TRPM3: variants seen among roughly 807,000 people sequenced by gnomAD.
TRPM3 encodes long transient receptor potential channel 3.
In TRPM3, 77 loss-of-function variants were observed where a neutral mutation model predicts 181.2. The ratio of observed to expected loss-of-function variants is 0.42; its 90% CI spans 0.35 to 0.51. The LOEUF (loss-of-function observed/expected upper bound fraction) is 0.51, where lower values mean the gene tolerates loss of function less well. TRPM3 is among the 20% of genes least tolerant of loss of function. TRPM3 has a pLI of 0.01. For synonymous variants in TRPM3, 745 were observed against 796.4 expected (o/e 0.94, Z 1.09); for missense variants, 1,759 against 2,196.7 (o/e 0.80, Z 3.98).
At chr9:70,847,327 G>C (rs1033390756) in intron 3 of TRPM3, among the ~76,000 whole-genome samples, 2 of 152,156 alleles carry the variant, frequency 1.3e-5, no homozygotes, top group African/African-American at 4.8e-5. Flanking sequence ...AGGTCTCAAT[G>C]TAAGTATGTT....
At chr9:70,688,202 G>A (rs1417531297) in intron 8 of TRPM3, among the ~76,000 whole-genome samples, 1 of 151,954 alleles carries the variant, frequency 6.6e-6, no homozygotes, top group Non-Finnish European at 1.5e-5. Context: ...CTCCATATTA[G>A]GACGTTTAAA....
At chr9:71,270,269 G>C (rs1565405096) in intron 1 of TRPM3, among the ~76,000 whole-genome samples, 1 of 152,180 alleles carries the variant, frequency 6.6e-6, no homozygotes, top group Admixed American at 6.5e-5. Flanking sequence ...AGAATCGCTT[G>C]AACCTGGGAG....
At chr9:70,831,962 AATATAT>A (rs71367232) in intron 5 of TRPM3, among the ~76,000 whole-genome samples, 898 of 64,210 alleles carry the variant, frequency 0.014, 21 homozygotes, top group African/African-American at 0.034. Flanking sequence ...GTACCCCATA[AATATAT>A]ATATATATAT....
At chr9:70,927,265 T>A (rs142221204) in intron 1 of TRPM3, among the ~76,000 whole-genome samples, 3 of 152,304 alleles carry the variant, frequency 2.0e-5, no homozygotes, top group East Asian at 3.9e-4. Context: ...TTTATGGAAA[T>A]TCAAATTTAC....
Position 70,536,615 on chromosome 9 carries a change from A to T in TRPM3, c.4498T>A (p.Ser1500Thr). The T allele has an allele frequency of 6.2e-7, 1 of 1,614,096 alleles. No homozygotes were observed. Among genetic ancestry groups the T allele is most frequent in the Non-Finnish European group, 8.5e-7 (1 of 1,179,998 alleles). Residue 1500 changes from serine to threonine, a missense_variant, in exon 26 of 26, where the codon TCA becomes ACA. Ser to Thr is a moderately conservative substitution (Grantham distance 58). Coordinates refer to ENST00000677713, the MANE Select transcript of TRPM3 (RefSeq NM_001366145.2). ...HLPECQNPWDSEPPMYHTIER... is the reference protein window; with the variant it reads ...HLPECQNPWDTEPPMYHTIER... Reference sequence around the variant, plus strand: ...ATGGTGTGGTACATCGGAGGCTCTGAGTCCCAGGGGTTTTGGCATTCTGGG... The same window carrying T: ...ATGGTGTGGTACATCGGAGGCTCTGTGTCCCAGGGGTTTTGGCATTCTGGG...
chr9:70,844,789 A>G (rs1245092900), intron 4 of TRPM3, among the ~76,000 whole-genome samples: 1 of 152,240 alleles, frequency 6.6e-6, no homozygotes, highest in Non-Finnish European at 1.5e-5. Flanking sequence ...AACAAAAATA[A>G]TAAACAATAT....
intron 1 of TRPM3, among the ~76,000 whole-genome samples, chr9:71,061,298 A>G (rs2061306906): frequency 6.6e-6 from 1 of 152,154 alleles, no homozygotes; most frequent in African/African-American, 2.4e-5. Context: ...GATAAAAGAT[A>G]GAGATAACTT....
chr9:70,917,639 G>C, intron 1 of TRPM3: 1 of 418,704 alleles, frequency 2.4e-6, no homozygotes, highest in Non-Finnish European at 4.4e-6. Context: ...CCAAAACAGA[G>C]TAAATACACA....
chr9:70,814,826 C>T (rs866860555), intron 6 of TRPM3, among the ~76,000 whole-genome samples: 3 of 152,012 alleles, frequency 2.0e-5, no homozygotes, highest in South Asian at 4.1e-4. Context: ...TGTGAATAGA[C>T]TACTTTCAAA....
At chr9:70,873,354 G>A (rs765036088) in intron 1 of TRPM3, among the ~76,000 whole-genome samples, 1 of 151,970 alleles carries the variant, frequency 6.6e-6, no homozygotes, top group Non-Finnish European at 1.5e-5. Context: ...ACAATCAATG[G>A]TGCCATCCCC....
At position 71,232,491 on chromosome 9, in the gene TRPM3, C is replaced by CTTTTTTTTTTTTT. The variant is rs71352362; in HGVS notation, c.183+214149_183+214161dup. ...CGCACATGGAAATTGAATTCAGTGT[C>CTTTTTTTTTTTTT]TTTTTTTTTTTTTTTTTTTTTTTTT... On this transcript the variant is annotated intron_variant, in intron 1 of 24. Coordinates refer to the TRPM3 transcript ENST00000357533. Among the ~76,000 whole-genome samples, 5 of 59,126 alleles carry CTTTTTTTTTTTTT rather than the reference C, an allele frequency of 8.5e-5. 1 individual carries two copies. Among genetic ancestry groups the CTTTTTTTTTTTTT allele is most frequent in the African/African-American group, 3.0e-4 (4 of 13,382 alleles). 38.8% of individuals were successfully genotyped at this position (59,126 alleles called of 152,430 possible). A position where few individuals can be genotyped will look rare whatever the true frequency, so the allele number is the denominator to read the frequency against.
intron 1 of TRPM3, among the ~76,000 whole-genome samples, chr9:71,290,349 A>T (rs1431012310): frequency 6.6e-6 from 1 of 152,150 alleles, no homozygotes; most frequent in African/African-American, 2.4e-5. Context: ...GGCAAAAAAG[A>T]GACCTACAAA....
chr9:70,679,752 TC>T (rs1417718709), intron 9 of TRPM3, among the ~76,000 whole-genome samples: 2 of 152,216 alleles, frequency 1.3e-5, no homozygotes, highest in African/African-American at 4.8e-5. Context: ...ATGGAATGCA[TC>T]CAACACAGTG....
intron 9 of TRPM3, among the ~76,000 whole-genome samples, chr9:70,664,894 C>G (rs1394234260): frequency 6.6e-6 from 1 of 151,684 alleles, no homozygotes; most frequent in Non-Finnish European, 1.5e-5. Context: ...AAGTGATCCA[C>G]CCCCCTCAGC....
intron 6 of TRPM3, among the ~76,000 whole-genome samples, chr9:70,790,702 T>C (rs973213409): frequency 2.0e-5 from 3 of 152,154 alleles, no homozygotes; most frequent in Admixed American, 6.6e-5. Context: ...ATCTCTTCTG[T>C]GGTCTGGAAA....
chr9:70,686,789 C>CTCTCTCTTTCTT (rs1178402976), intron 8 of TRPM3, among the ~76,000 whole-genome samples: 1 of 139,268 alleles, frequency 7.2e-6, no homozygotes, highest in African/African-American at 2.7e-5. Flanking sequence ...CTCCTTTTCT[C>CTCTCTCTTTCTT]TCTCCCTCCC....
chr9:71,054,705 A>G (rs1185822716), intron 1 of TRPM3, among the ~76,000 whole-genome samples: 1 of 152,096 alleles, frequency 6.6e-6, no homozygotes, highest in African/African-American at 2.4e-5. Context: ...GGAGCTTGCA[A>G]TTTCACTAGA....
chr9:70,768,493 G>GTT (rs890464632), intron 7 of TRPM3, among the ~76,000 whole-genome samples: 33 of 149,588 alleles, frequency 2.2e-4, no homozygotes, highest in African/African-American at 7.1e-4. Flanking sequence ...ACCAAAAACA[G>GTT]TTTTTTTTTT....
At chr9:70,966,085 T>C (rs2097182627) in intron 1 of TRPM3, among the ~76,000 whole-genome samples, 1 of 138,082 alleles carries the variant, frequency 7.2e-6, no homozygotes, top group Admixed American at 7.1e-5. Context: ...AGTGGGCAAA[T>C]AGCATGAACA....
Sources: allele counts gnomAD v4.1 joint callset (sites outside exome capture counted in the v4.1 genomes callset), GRCh38; gene constraint gnomAD v4.1.1; transcripts MANE v1.5; gene names NCBI Gene and HGNC (gene_info 2026-07-23, HGNC 2026-07-21).